Variants in SLC30A7 observed in about 807,000 individuals in gnomAD.
The protein encoded by SLC30A7 is solute carrier family 30 member 7, also known as zinc transporter 7.
A neutral mutation model predicts 46.0 loss-of-function variants in SLC30A7; 35 were observed. The observed-to-expected ratio is 0.76, with a 90% CI of 0.58 to 1.01. The LOEUF (loss-of-function observed/expected upper bound fraction) is 1.01, where lower values mean the gene tolerates loss of function less well. SLC30A7 is among the 50% of genes least tolerant of loss of function. SLC30A7 has a pLI of 0.00. For missense variants in SLC30A7, 464 were observed against 451.1 expected (o/e 1.03, Z -0.26); for synonymous variants, 147 against 157.8 (o/e 0.93, Z 0.51).
At chr1:100,931,036 G>A (rs1422160030) in intron 8 of SLC30A7, among the ~76,000 whole-genome samples, 1 of 152,086 alleles carries the variant, frequency 6.6e-6, no homozygotes, top group Non-Finnish European at 1.5e-5. Flanking sequence ...ATCATTTTCT[G>A]TGTTCATTGG....
chr1:100,899,261 A>G (rs552257525), intron 2 of SLC30A7, among the ~76,000 whole-genome samples: 1 of 152,222 alleles, frequency 6.6e-6, no homozygotes, highest in African/African-American at 2.4e-5. Context: ...TTGCTAAATG[A>G]AAGAATGAGG....
intron 7 of SLC30A7, among the ~76,000 whole-genome samples, chr1:100,919,711 T>C (rs1408140293): frequency 6.6e-6 from 1 of 152,138 alleles, no homozygotes. Flanking sequence ...ATATAAGTTA[T>C]TGTGAAAATA....
chr1:100,951,303 C>T (rs1388545712), intron 8 of SLC30A7, among the ~76,000 whole-genome samples: 1 of 151,834 alleles, frequency 6.6e-6, no homozygotes, highest in Admixed American at 6.6e-5. Context: ...AAAGCAATAA[C>T]AACAAATAAC....
rs1050847500 is a variant in SLC30A7, at chr1:100,897,073, A to G, written c.182+402A>G. On this transcript the variant is annotated intron_variant, in intron 2 of 10. Coordinates refer to ENST00000357650, the MANE Select transcript of SLC30A7 (RefSeq NM_133496.5). ...TTCACCCTTAAGATTCTGAGAGAGT[A>G]TATCTGAGATGTTCTACTTAGTTTG... Among the ~76,000 whole-genome samples the G allele has an allele frequency of 2.6e-5, 4 of 151,924 alleles. No individual in the cohort carries two copies. The East Asian group carries it at 5.8e-4, about 22-fold the overall frequency.
chr1:100,970,951 C>T (rs909176033), intron 10 of SLC30A7, among the ~76,000 whole-genome samples: 1 of 152,098 alleles, frequency 6.6e-6, no homozygotes, highest in Non-Finnish European at 1.5e-5. Flanking sequence ...AAGATGGTCT[C>T]TCCTAATACA....
intron 8 of SLC30A7, among the ~76,000 whole-genome samples, chr1:100,929,211 A>G (rs1210472468): frequency 6.6e-6 from 1 of 152,062 alleles, no homozygotes; most frequent in Non-Finnish European, 1.5e-5. Context: ...TGTAATTTTA[A>G]AATTACATCT....
intron 10 of SLC30A7, among the ~76,000 whole-genome samples, chr1:100,970,396 C>A (rs1283473699): frequency 6.6e-6 from 1 of 151,954 alleles, no homozygotes; most frequent in Non-Finnish European, 1.5e-5. Flanking sequence ...TAGGCAATAT[C>A]CTTTTTAATT....
intron 8 of SLC30A7, among the ~76,000 whole-genome samples, chr1:100,959,493 G>A (rs1047503414): frequency 2.0e-5 from 3 of 152,214 alleles, no homozygotes; most frequent in Non-Finnish European, 4.4e-5. Context: ...TCATTTGGGG[G>A]AGAATCTACT....
chr1:100,916,954 G>A (rs1652602277), intron 6 of SLC30A7, among the ~76,000 whole-genome samples: 1 of 152,044 alleles, frequency 6.6e-6, no homozygotes, highest in South Asian at 2.1e-4. Flanking sequence ...TATTTTATCA[G>A]ATACATAGTT....
At chr1:100,966,490 C>T (rs1309046947) in intron 10 of SLC30A7, among the ~76,000 whole-genome samples, 1 of 151,454 alleles carries the variant, frequency 6.6e-6, no homozygotes, top group Non-Finnish European at 1.5e-5. Flanking sequence ...GAGGCTGAGG[C>T]AGGAGAATGG....
chr1:100,957,203 C>T (rs1445213882), intron 8 of SLC30A7, among the ~76,000 whole-genome samples: 1 of 152,196 alleles, frequency 6.6e-6, no homozygotes, highest in Admixed American at 6.5e-5. Context: ...ATTGCCACAA[C>T]TCGAGAGTAA....
At chr1:100,990,295 C>G in the SLC30A7 span, 1 of 965,360 alleles carries the variant, frequency 1.0e-6, no homozygotes, top group Non-Finnish European at 1.6e-6. Flanking sequence ...TACCACAACA[C>G]CTGGGAATTA....
intron 8 of SLC30A7, among the ~76,000 whole-genome samples, chr1:100,931,384 C>G (rs1254079310): frequency 4.6e-5 from 7 of 152,114 alleles, no homozygotes; most frequent in Admixed American, 4.6e-4. Flanking sequence ...ATGCACAATT[C>G]GTAAATATGC....
At chr1:100,983,256 A>C (rs1657052157), downstream of SLC30A7, among the ~76,000 whole-genome samples, 1 of 152,172 alleles carries the variant, frequency 6.6e-6, no homozygotes, top group Admixed American at 6.5e-5. Flanking sequence ...TTCAATAGAT[A>C]TAGACAGAAT....
chr1:100,896,816 C>G (rs899789219), intron 2 of SLC30A7, 145 bp downstream of exon 2: 1 of 693,376 alleles, frequency 1.4e-6, no homozygotes, highest in Non-Finnish European at 2.6e-6. Flanking sequence ...TTTCTCATAC[C>G]CACACCAATC....
At chr1:100,963,906 G>A (rs887733609) in intron 9 of SLC30A7, among the ~76,000 whole-genome samples, 6 of 152,078 alleles carry the variant, frequency 3.9e-5, no homozygotes, top group Non-Finnish European at 5.9e-5. Context: ...AGATGAGAAA[G>A]GCTAGAACCC....
rs371649889 is a variant in SLC30A7 at position 100,906,936 on chromosome 1, A to G, written c.267A>G (p.Lys89=). The change falls in exon 3 of 11, where the codon AAA becomes AAG. Residue 89 remains lysine (K), a synonymous_variant. Coordinates refer to ENST00000357650, the MANE Select transcript of SLC30A7 (RefSeq NM_133496.5). ...LAGLAASVIS[K]WRDNDAFSYG... is the part of the protein sequence containing the mutation. Reference sequence around the variant, plus strand: ...GACTGGCAGCTTCTGTTATTTCAAAATGGAGAGATAATGATGCTTTCTCCT... The same window carrying G: ...GACTGGCAGCTTCTGTTATTTCAAAGTGGAGAGATAATGATGCTTTCTCCT... The G allele has an allele frequency of 1.9e-6, 3 of 1,612,652 alleles. No homozygotes were observed. Among genetic ancestry groups the G allele is most frequent in the Non-Finnish European group, 2.5e-6 (3 of 1,178,842 alleles).
At chr1:100,921,584 A>T in intron 7 of SLC30A7, 122 bp from the exon 8 acceptor site, 3 of 661,412 alleles carry the variant, frequency 4.5e-6, no homozygotes, top group Non-Finnish European at 2.5e-6. Flanking sequence ...ATACATGCTT[A>T]CTTATTTTTG....
At position 100,923,004 on chromosome 1, in the gene SLC30A7, A is replaced by ATG. The variant is rs1490940276; in HGVS notation, c.842+1164_842+1165insGT. Among the ~76,000 whole-genome samples, 139 of 49,168 alleles carry ATG rather than the reference A, an allele frequency of 2.8e-3. 11 individuals carry two copies. Among genetic ancestry groups the ATG allele is most frequent in the African/African-American group, 0.012 (128 of 10,880 alleles). The allele number at this position is 49,168 out of a possible 152,430, so 32.3% of individuals were successfully genotyped here. On this transcript the variant is annotated intron_variant, in intron 8 of 10. Coordinates refer to ENST00000357650, the MANE Select transcript of SLC30A7 (RefSeq NM_133496.5). ...TATAGCTTGTAGTTTGTTAGAATAG[A>ATG]TTTTTTTTTTTTTTTTTTTTTTTTT...
Sources: gnomAD v4.1 joint callset for allele counts (sites outside exome capture counted in the v4.1 genomes callset) on GRCh38, gnomAD v4.1.1 for gene constraint, MANE v1.5 for transcripts, NCBI Gene and HGNC (gene_info 2026-07-23, HGNC 2026-07-21) for gene names.